PTPRG: variants seen among roughly 807,000 people sequenced by gnomAD.
PTPRG encodes protein tyrosine phosphatase receptor type G, also known as receptor-type tyrosine-protein phosphatase gamma.
Under a neutral mutation model 165.3 loss-of-function variants are expected in PTPRG, and 102 were observed. The ratio of observed to expected loss-of-function variants is 0.62; its 90% CI spans 0.53 to 0.73. The LOEUF (loss-of-function observed/expected upper bound fraction) is 0.73. PTPRG is among the 30% of genes least tolerant of loss of function. The probability of loss-of-function intolerance (pLI) is 0.00; values close to 1 mark genes in which losing one functional copy is unlikely to be tolerated. For synonymous variants in PTPRG, 675 were observed against 669.5 expected (o/e 1.01, Z -0.13); for missense variants, 1,866 against 1,861.4 (o/e 1.00, Z -0.05).
intron 5 of PTPRG, among the ~76,000 whole-genome samples, chr3:62,081,905 A>T (rs1297234617): frequency 6.6e-6 from 1 of 152,200 alleles, no homozygotes; most frequent in African/African-American, 2.4e-5. Flanking sequence ...TCTATTCAAC[A>T]TCTATTCGAT....
chr3:62,036,039 G>C (rs1699926014), intron 4 of PTPRG, among the ~76,000 whole-genome samples: 1 of 141,116 alleles, frequency 7.1e-6, no homozygotes, highest in Non-Finnish European at 1.5e-5. Flanking sequence ...GAATGTGTCA[G>C]TGACCAAAAA....
chr3:61,577,109 A>G (rs972769381), intron 1 of PTPRG, among the ~76,000 whole-genome samples: 5 of 152,176 alleles, frequency 3.3e-5, no homozygotes, highest in African/African-American at 1.2e-4. Context: ...TGTTCTGAAT[A>G]AGTTGATTGT....
At chr3:61,941,184 C>T (rs1322893349) in intron 2 of PTPRG, among the ~76,000 whole-genome samples, 2 of 152,230 alleles carry the variant, frequency 1.3e-5, no homozygotes, top group African/African-American at 4.8e-5. Flanking sequence ...CCATACTTGT[C>T]ATAATAATCC....
chr3:61,618,604 A>C (rs78016341), intron 1 of PTPRG, among the ~76,000 whole-genome samples: 3,933 of 152,270 alleles, frequency 0.026, 71 homozygotes, highest in East Asian at 0.064. Context: ...GGGGAAAAAA[A>C]CGGTAACCTC....
At chr3:62,120,548 C>T (rs1212012203) in intron 5 of PTPRG, among the ~76,000 whole-genome samples, 4 of 121,306 alleles carry the variant, frequency 3.3e-5, no homozygotes, top group Admixed American at 1.7e-4. Context: ...GTCAGGAGTT[C>T]GAGACCAGCC....
At chr3:62,103,726 C>T (rs1702373438) in intron 5 of PTPRG, among the ~76,000 whole-genome samples, 1 of 152,166 alleles carries the variant, frequency 6.6e-6, no homozygotes, top group Non-Finnish European at 1.5e-5. Context: ...CACCTGTCAT[C>T]AGAGAATCTA....
Position 61,774,921 on chromosome 3 carries a change from T to C in PTPRG, c.190+25939T>C, listed in dbSNP as rs142466173. Among the ~76,000 whole-genome samples the C allele has an allele frequency of 1.5e-3, 236 of 152,318 alleles. 2 individuals carry two copies. Among genetic ancestry groups the C allele is most frequent in the African/African-American group, 5.5e-3 (229 of 41,566 alleles). On this transcript the variant is annotated intron_variant, in intron 2 of 29. Transcript: ENST00000474889. ...TTCCCAAAGTGGAGAATGTATTCTT[T>C]TGTAATGCCCACTGTATCCACTTCA...
intron 6 of PTPRG, among the ~76,000 whole-genome samples, chr3:62,138,397 A>G (rs541925594): frequency 6.6e-6 from 1 of 152,304 alleles, no homozygotes; most frequent in East Asian, 1.9e-4. Flanking sequence ...ATTTGCATCA[A>G]CAATTTTACC....
rs1450518957 is a variant in PTPRG, at chr3:61,897,343, T to C, written c.191-92282T>C. 3.9e-5 allele frequency among the ~76,000 whole-genome samples: 6 copies of C among 152,274 alleles called. No individual in the cohort carries two copies. The East Asian group carries it at 1.2e-3, about 29-fold the overall frequency. ...TTCCAGTTACTTTGGCACCATCTGT[T>C]GAAAAGGGTATTCTTCCATTAATTT... On this transcript the variant is annotated intron_variant, in intron 2 of 29. Coordinates refer to ENST00000474889, the MANE Select transcript of PTPRG (RefSeq NM_002841.4).
At chr3:61,788,924 G>T (rs2034791107) in intron 2 of PTPRG, among the ~76,000 whole-genome samples, 1 of 152,130 alleles carries the variant, frequency 6.6e-6, no homozygotes, top group Admixed American at 6.5e-5. Context: ...CCCTACCTTG[G>T]CTGACAAATT....
chr3:62,067,089 C>G (rs1054920984), intron 4 of PTPRG, among the ~76,000 whole-genome samples: 1 of 151,132 alleles, frequency 6.6e-6, no homozygotes, highest in African/African-American at 2.4e-5. Context: ...TTCAAGCTCC[C>G]TCACAGCAGA....
chr3:61,637,207 AATT>A lies in PTPRG; in HGVS notation c.85+74839_85+74841del, dbSNP rs568505456. On this transcript the variant is annotated intron_variant, in intron 1 of 29. Coordinates refer to ENST00000474889, the MANE Select transcript of PTPRG (RefSeq NM_002841.4). ...GAACTAAGATGTCCTGGCATTATGGAATTATTCATGTCAGTTGCCTATCTCTGG... is the reference window on the plus strand; with the variant it reads ...GAACTAAGATGTCCTGGCATTATGGAATTCATGTCAGTTGCCTATCTCTGG... 4.7e-4 allele frequency among the ~76,000 whole-genome samples: 71 copies of A among 152,310 alleles called. 1 individual carries two copies. The highest frequency in any genetic ancestry group is 1.7e-3 in the African/African-American group (69 of 41,556).
intron 2 of PTPRG, among the ~76,000 whole-genome samples, chr3:61,918,559 A>G (rs2038999021): frequency 6.6e-6 from 1 of 152,200 alleles, no homozygotes; most frequent in Admixed American, 6.5e-5. Context: ...AGGATAGGAA[A>G]TAGTATGGAA....
At chr3:61,736,272 G>A (rs1433545792) in intron 1 of PTPRG, among the ~76,000 whole-genome samples, 2 of 151,182 alleles carry the variant, frequency 1.3e-5, no homozygotes, top group Non-Finnish European at 2.9e-5. Context: ...CCATAGTAGA[G>A]CCTTCTGTAC....
chr3:62,029,165 G>A (rs1699681346), intron 4 of PTPRG, among the ~76,000 whole-genome samples: 1 of 152,156 alleles, frequency 6.6e-6, no homozygotes. Context: ...GACTTGTGAA[G>A]GGCCAGATGC....
At chr3:62,223,274 G>T (rs1700689641) in intron 13 of PTPRG, among the ~76,000 whole-genome samples, 1 of 152,138 alleles carries the variant, frequency 6.6e-6, no homozygotes, top group Non-Finnish European at 1.5e-5. Flanking sequence ...TGTAACACGG[G>T]CCTATAGTCA....
intron 2 of PTPRG, among the ~76,000 whole-genome samples, chr3:61,791,084 A>G (rs2034854899): frequency 6.6e-6 from 1 of 152,194 alleles, no homozygotes; most frequent in Non-Finnish European, 1.5e-5. Context: ...TAAATTATTA[A>G]TGAAACAGGG....
chr3:62,031,562 G>T (rs1392030500), intron 4 of PTPRG, among the ~76,000 whole-genome samples: 14 of 152,176 alleles, frequency 9.2e-5, no homozygotes, highest in Admixed American at 9.2e-4. Flanking sequence ...GAAGGAAGTA[G>T]CGCAGTGAGC....
In PTPRG at chr3:62,018,474, C is replaced by CT. The variant is rs571039112; in HGVS notation, c.519+14979dup. 2.7e-3 allele frequency among the ~76,000 whole-genome samples: 410 copies of CT among 152,230 alleles called. 3 individuals are homozygous for CT. The highest frequency in any genetic ancestry group is 9.5e-3 in the African/African-American group (394 of 41,524). On this transcript the variant is annotated intron_variant, in intron 4 of 29. Transcript: ENST00000474889. ...AGTCAAATAATAGATGATTTGTAGGCTTCAGGGGTGTCACCACTCTCTTTC... is the reference window on the plus strand; with the variant it reads ...AGTCAAATAATAGATGATTTGTAGGCTTTCAGGGGTGTCACCACTCTCTTTC...
Sources: gnomAD v4.1 joint callset for allele counts (sites outside exome capture counted in the v4.1 genomes callset) on GRCh38, gnomAD v4.1.1 for gene constraint, MANE v1.5 for transcripts, NCBI Gene and HGNC (gene_info 2026-07-23, HGNC 2026-07-21) for gene names.